Variants in IQSEC1 observed in about 807,000 individuals in gnomAD.
IQSEC1 encodes IQ motif and Sec7 domain ArfGEF 1.
A neutral mutation model predicts 91.0 loss-of-function variants in IQSEC1; 31 were observed. That is an observed-to-expected ratio of 0.34 (90% CI 0.26 to 0.46). IQSEC1 has a LOEUF of 0.46. Ranked by LOEUF, IQSEC1 falls within the 20% of genes least tolerant of loss-of-function variation. The pLI is 1.00. For synonymous variants in IQSEC1, 699 were observed against 662.6 expected (o/e 1.05, Z -0.84); for missense variants, 1,388 against 1,575.6 (o/e 0.88, Z 2.02).
chr3:13,045,140 G>A (rs1466802076), intron 1 of IQSEC1, among the ~76,000 whole-genome samples: 1 of 152,144 alleles, frequency 6.6e-6, no homozygotes, highest in Non-Finnish European at 1.5e-5. Flanking sequence ...CCACCCCAGG[G>A]CCTCTGCACC....
intron 2 of IQSEC1, among the ~76,000 whole-genome samples, chr3:13,100,035 G>T (rs1264910545): frequency 7.9e-6 from 1 of 125,864 alleles, no homozygotes; most frequent in Non-Finnish European, 1.7e-5. Flanking sequence ...TCTGGCGCAG[G>T]AGCCTTGGGA....
intron 2 of IQSEC1, among the ~76,000 whole-genome samples, chr3:13,108,740 G>A (rs994181631): frequency 6.6e-6 from 1 of 152,282 alleles, no homozygotes; most frequent in Non-Finnish European, 1.5e-5. Context: ...GCTTAGCATG[G>A]ACAAAACTTA....
rs138894616 is a variant in IQSEC1 at position 12,922,289 on chromosome 3, G to A, written c.1731-47C>T. The A allele has an allele frequency of 3.5e-3, 5,130 of 1,484,746 alleles. 13 individuals carry two copies. The highest frequency in any genetic ancestry group is 4.0e-3 in the Non-Finnish European group (4,454 of 1,104,032). 92.0% of individuals were successfully genotyped at this position (1,484,746 alleles called of 1,614,324 possible). On this transcript the variant is annotated intron_variant, in intron 4 of 13. Transcript: ENST00000613206. The surrounding 1 kb of genome is among the most constrained non-coding windows in gnomAD (Gnocchi z 5.1). ...CCGCATAAGCACCCCTTGCAGGTGC[G>A]ACACGCCCAGCCCACCCCCAGGTGG...
chr3:13,190,930 C>A (rs1252076148), intron 1 of IQSEC1, among the ~76,000 whole-genome samples: 2 of 152,164 alleles, frequency 1.3e-5, no homozygotes, highest in Non-Finnish European at 2.9e-5. Flanking sequence ...ACATTTCCAG[C>A]CCCTTCTCTA....
At chr3:13,266,913 C>T (rs73138153) in intron 1 of IQSEC1, among the ~76,000 whole-genome samples, 7,332 of 152,178 alleles carry the variant, frequency 0.048, 585 homozygotes, top group African/African-American at 0.17. Context: ...ACGGCAGGAA[C>T]GCCCTGGGCC....
At chr3:13,040,313 C>G (rs1704213350) in intron 1 of IQSEC1, among the ~76,000 whole-genome samples, 1 of 152,224 alleles carries the variant, frequency 6.6e-6, no homozygotes, top group Admixed American at 6.5e-5. Flanking sequence ...GTAATTTGTG[C>G]ACCCTCTGTT....
chr3:13,180,830 G>A (rs1466488404), intron 1 of IQSEC1, among the ~76,000 whole-genome samples: 2 of 152,086 alleles, frequency 1.3e-5, no homozygotes, highest in East Asian at 3.9e-4. Flanking sequence ...GAACCCACCA[G>A]AAGGAAGAAA....
chr3:13,234,535 C>A (rs1356136025), intron 1 of IQSEC1, among the ~76,000 whole-genome samples: 1 of 152,204 alleles, frequency 6.6e-6, no homozygotes, highest in African/African-American at 2.4e-5. Context: ...TACCCCCCTA[C>A]CCCATGTCAT....
chr3:13,230,162 G>A (rs1694818809), intron 1 of IQSEC1, among the ~76,000 whole-genome samples: 1 of 152,210 alleles, frequency 6.6e-6, no homozygotes, highest in Admixed American at 6.5e-5. Flanking sequence ...GAGGGTCCCA[G>A]GAATTCAACT....
chr3:13,269,849 C>T (rs1028031932), intron 1 of IQSEC1, among the ~76,000 whole-genome samples: 3 of 152,242 alleles, frequency 2.0e-5, no homozygotes, highest in Non-Finnish European at 2.9e-5. Flanking sequence ...AGGGTGGAGG[C>T]CAATTCCTCT....
chr3:13,073,031 C>T lies in IQSEC1; in HGVS notation c.-17G>A. On this transcript the variant is annotated 5_prime_UTR_variant, in exon 1 of 14. Transcript: ENST00000613206. The stretch of plus-strand genomic sequence containing the variant: ...GCAAGCCATCCTGTGTGAATCCGTT[C>T]TTCCCTGTTCTGGCTCCCTCTCCAG... The T allele has an allele frequency of 1.3e-6, 2 of 1,551,768 alleles. No homozygotes were observed. Among genetic ancestry groups the T allele is most frequent in the Non-Finnish European group, 8.7e-7 (1 of 1,146,998 alleles).
At chr3:13,218,284 G>A (rs923146202) in intron 1 of IQSEC1, among the ~76,000 whole-genome samples, 2 of 152,228 alleles carry the variant, frequency 1.3e-5, no homozygotes, top group Non-Finnish European at 2.9e-5. Flanking sequence ...AATCCTTGAA[G>A]TTGGGATCAT....
intron 1 of IQSEC1, among the ~76,000 whole-genome samples, chr3:13,273,412 T>TGTTTCAAGAACTCCCC (rs1287278979): frequency 6.6e-6 from 1 of 152,172 alleles, no homozygotes; most frequent in Non-Finnish European, 1.5e-5. Flanking sequence ...CCTCACTCCC[T>TGTTTCAAGAACTCCCC]GTTTCAAGAA....
intron 1 of IQSEC1, among the ~76,000 whole-genome samples, chr3:13,267,705 C>A (rs1355621836): frequency 6.6e-6 from 1 of 151,756 alleles, no homozygotes; most frequent in African/African-American, 2.4e-5. Flanking sequence ...GCAAGCTCCG[C>A]CTCCCGGGTT....
At chr3:12,993,065 A>C (rs573912385) in intron 1 of IQSEC1, among the ~76,000 whole-genome samples, 141 of 152,188 alleles carry the variant, frequency 9.3e-4, no homozygotes, top group Middle Eastern at 3.4e-3. Flanking sequence ...CAGGTTTCCA[A>C]CAACAGCCCC....
intron 2 of IQSEC1, among the ~76,000 whole-genome samples, chr3:13,163,698 G>A (rs913613481): frequency 5.9e-5 from 9 of 152,262 alleles, no homozygotes; most frequent in East Asian, 5.8e-4. Context: ...GGTTAGAGCC[G>A]GGCCCACCAC....
intron 3 of IQSEC1, among the ~76,000 whole-genome samples, chr3:12,934,459 C>T (rs541942057): frequency 6.6e-6 from 1 of 152,310 alleles, no homozygotes; most frequent in African/African-American, 2.4e-5. Context: ...CCAGCTCAGG[C>T]ACTGGCTTTG....
Position 12,908,288 on chromosome 3 carries a change from A to G in IQSEC1, c.2755+61T>C. 6.4e-7 allele frequency: 1 copy of G among 1,562,116 alleles called. No individual in the cohort carries two copies. The highest frequency in any genetic ancestry group is 8.7e-7 in the Non-Finnish European group (1 of 1,144,676). On this transcript the variant is annotated intron_variant, in intron 12 of 13. Transcript: ENST00000613206. The surrounding 1 kb of genome is among the most constrained non-coding windows in gnomAD (Gnocchi z 4.9). ...CGCGTGATGCATGCCCTGAATGCAG[A>G]CGCCCTGCCTCGGTCTTGCATGCGC...
chr3:13,233,347 T>C (rs1416601430), intron 1 of IQSEC1, among the ~76,000 whole-genome samples: 3 of 152,142 alleles, frequency 2.0e-5, no homozygotes, highest in Admixed American at 2.0e-4. Flanking sequence ...CCTTCCTCCA[T>C]CCTGAGGGGT....
Sources: gnomAD v4.1 joint callset for allele counts (sites outside exome capture counted in the v4.1 genomes callset) on GRCh38, gnomAD v4.1.1 for gene constraint, Gnocchi (gnomAD v3.1) non-coding constraint, MANE v1.5 for transcripts, NCBI Gene and HGNC (gene_info 2026-07-23, HGNC 2026-07-21) for gene names.